VPS4B: variants seen among roughly 807,000 people sequenced by gnomAD.
VPS4B encodes the protein vacuolar protein sorting 4 homolog B.
VPS4B carries 23 observed loss-of-function variants against 56.1 expected under a neutral mutation model. The ratio of observed to expected loss-of-function variants is 0.41; its 90% CI spans 0.30 to 0.58. The LOEUF (loss-of-function observed/expected upper bound fraction) is 0.58. Among genes scored for constraint, VPS4B ranks in the 20% least tolerant of loss-of-function variants. VPS4B has a pLI of 0.29. For synonymous variants in VPS4B, 177 were observed against 186.0 expected, an observed-to-expected ratio of 0.95 and a Z score of 0.39; for missense variants, 372 against 531.9, an observed-to-expected ratio of 0.70 and a Z score of 2.96.
At chr18:63,398,778 T>C (rs946750231) in intron 8 of VPS4B, among the ~76,000 whole-genome samples, 2 of 148,966 alleles carry the variant, frequency 1.3e-5, no homozygotes, top group Admixed American at 1.4e-4. Flanking sequence ...GAGGATGCAG[T>C]GAGCCGAGAT....
At chr18:63,393,203 A>G (rs1915593936) in intron 10 of VPS4B, among the ~76,000 whole-genome samples, 1 of 152,190 alleles carries the variant, frequency 6.6e-6, no homozygotes, top group Non-Finnish European at 1.5e-5. Flanking sequence ...TTTCACTTAA[A>G]GGTTCCTCTA....
Position 63,410,440 on chromosome 18 carries a change from G to A in VPS4B, c.146C>T (p.Ala49Val), listed in dbSNP as rs1460310540. 6.2e-7 allele frequency: 1 copy of A among 1,612,308 alleles called. No homozygotes were observed. Residue 49 changes from alanine to valine, a missense_variant, in exon 3 of 11, where the codon GCA (alanine) becomes GTA (valine). Physicochemically the swap from Ala to Val is moderately conservative, Grantham distance 64. Transcript: ENST00000238497. ...ACTTTGCTTGGCTTTATCACCCTGT[G>A]CTTCATCTATTAAAGGGAAATGAGA... ...QYFLHVVKYE[A>V]QGDKAKQSIR...
intron 10 of VPS4B, among the ~76,000 whole-genome samples, 179 bp from the exon 11 acceptor site, chr18:63,391,255 TCTCA>T (rs1242754966): frequency 7.0e-6 from 1 of 142,350 alleles, no homozygotes; most frequent in Non-Finnish European, 1.5e-5. Flanking sequence ...TGAGTTGGAG[TCTCA>T]CTCTGTTGGC....
chr18:63,418,621 G>C (rs185379662), intron 1 of VPS4B, among the ~76,000 whole-genome samples: 3 of 152,078 alleles, frequency 2.0e-5, no homozygotes, highest in Non-Finnish European at 4.4e-5. Flanking sequence ...GACTGGTCTC[G>C]AAGTCCTAAG....
intron 4 of VPS4B, among the ~76,000 whole-genome samples, chr18:63,406,761 A>G (rs543717668): frequency 6.6e-6 from 1 of 152,312 alleles, no homozygotes; most frequent in East Asian, 1.9e-4. Flanking sequence ...GCTCATTTCT[A>G]TTTTAGAGAT....
chr18:63,389,262 C>T lies in VPS4B; in HGVS notation c.*1713G>A, dbSNP rs185878963. 1.3e-5 allele frequency: 2 copies of T among 152,178 alleles called. No individual in the cohort carries two copies. Among genetic ancestry groups the T allele is most frequent in the Admixed American group, 6.6e-5 (1 of 15,262 alleles). 9.4% of individuals were successfully genotyped at this position (152,178 alleles called of 1,614,324 possible). ...AATTTAGGTAATATTTTCTTTTACA[C>T]AGAAGGTCCCAAAATAAAGAATAAT... On this transcript the variant is annotated 3_prime_UTR_variant, in exon 11 of 11. Transcript: ENST00000238497.
At chr18:63,409,854 C>T (rs950691380) in intron 3 of VPS4B, among the ~76,000 whole-genome samples, 5 of 152,274 alleles carry the variant, frequency 3.3e-5, no homozygotes, top group Non-Finnish European at 7.4e-5. Context: ...TCTCTGGTCA[C>T]TCCTATAACC....
At chr18:63,402,808 G>A (rs182676017) in intron 5 of VPS4B, among the ~76,000 whole-genome samples, 3 of 152,236 alleles carry the variant, frequency 2.0e-5, no homozygotes, top group South Asian at 2.1e-4. Flanking sequence ...GAAGCTAGGC[G>A]GACAGTGCGT....
chr18:63,422,047 G>A (rs540420319), intron 1 of VPS4B, among the ~76,000 whole-genome samples, 186 bp downstream of exon 1: 6 of 152,276 alleles, frequency 3.9e-5, no homozygotes, highest in Non-Finnish European at 7.4e-5. Flanking sequence ...CCCCAAGAGC[G>A]GGCCAGAAAC....
chr18:63,403,947 A>C (rs548065772), intron 4 of VPS4B, 121 bp from the exon 5 acceptor site: 1 of 1,133,518 alleles, frequency 8.8e-7, no homozygotes, highest in East Asian at 2.7e-5. Flanking sequence ...ATGTACTAAC[A>C]ACCTTTTTGA....
intron 9 of VPS4B, 132 bp downstream of exon 9, chr18:63,396,902 A>C (rs1915681426): frequency 1.3e-6 from 1 of 779,862 alleles, no homozygotes; most frequent in Admixed American, 2.6e-5. Context: ...AGGCATGAGA[A>C]TTGCTTGAAC....
At chr18:63,401,799 T>G (rs1339395669) in intron 5 of VPS4B, among the ~76,000 whole-genome samples, 2 of 152,174 alleles carry the variant, frequency 1.3e-5, no homozygotes, top group East Asian at 3.9e-4. Flanking sequence ...TCGGGACAAC[T>G]GTGGCCAACA....
At chr18:63,417,424 C>T (rs1049462417) in intron 1 of VPS4B, among the ~76,000 whole-genome samples, 42 of 152,096 alleles carry the variant, frequency 2.8e-4, no homozygotes, top group African/African-American at 9.2e-4. Flanking sequence ...ATTATTTCCT[C>T]CTTCTTGGAC....
Position 63,389,463 on chromosome 18 carries a change from T to C in VPS4B, c.*1512A>G, listed in dbSNP as rs569810972. ...AAGTTATTCTATAGCATTTGCAAGA[T>C]AGAATTTCACTGTAATTAGGGAATC... On this transcript the variant is annotated 3_prime_UTR_variant, in exon 11 of 11. Coordinates refer to ENST00000238497, the MANE Select transcript of VPS4B (RefSeq NM_004869.4). The C allele has an allele frequency of 1.9e-4, 29 of 152,788 alleles. 1 individual carries two copies. Among genetic ancestry groups the C allele is most frequent in the South Asian group, 8.3e-4 (4 of 4,830 alleles). 9.5% of individuals were successfully genotyped at this position (152,788 alleles called of 1,614,324 possible).
chr18:63,411,261 T>A (rs1328345406), intron 2 of VPS4B, among the ~76,000 whole-genome samples: 1 of 152,208 alleles, frequency 6.6e-6, no homozygotes, highest in Non-Finnish European at 1.5e-5. Flanking sequence ...GATGTTTACA[T>A]ATACAAAGTA....
intron 9 of VPS4B, 162 bp from the exon 10 acceptor site, chr18:63,393,711 C>T: frequency 1.3e-6 from 1 of 774,846 alleles, no homozygotes; most frequent in South Asian, 3.9e-5. Flanking sequence ...AGTAGTTATC[C>T]CCTGGGTAAT....
chr18:63,393,695 A>G, intron 9 of VPS4B, 146 bp from the exon 10 acceptor site: 1 of 888,280 alleles, frequency 1.1e-6, no homozygotes. Context: ...AGAATATACA[A>G]CAAAAAGTAG....
At chr18:63,392,391 G>A (rs2144408653) in intron 10 of VPS4B, among the ~76,000 whole-genome samples, 1 of 152,294 alleles carries the variant, frequency 6.6e-6, no homozygotes, top group Non-Finnish European at 1.5e-5. Context: ...TTTGAGAAGT[G>A]AAATAGAAAA....
rs1915788075 is a variant in VPS4B, at chr18:63,400,610, T to C, written c.578A>G (p.Asn193Ser). Reference protein sequence around the residue: ...LAKAVATEANNSTFFSISSSD... With the variant: ...LAKAVATEANSSTFFSISSSD... ...GGAAGATATTGAAAAAAATGTTGAG[T>C]TGTTGGCTTCTGTTGCTACAGCTTT... Residue 193 changes from asparagine (N) to serine (S), a missense_variant, in exon 6 of 11, where the codon AAC becomes AGC. Physicochemically the swap from Asn to Ser is conservative, Grantham distance 46. This residue lies in a region of VPS4B where 66 missense variants were observed against 150.7 expected (regional missense o/e 0.44). Transcript: ENST00000238497. The C allele has an allele frequency of 1.2e-6, 2 of 1,610,520 alleles. No homozygotes were observed. Among genetic ancestry groups the C allele is most frequent in the South Asian group, 1.1e-5 (1 of 90,122 alleles).
Sources: allele counts gnomAD v4.1 joint callset (sites outside exome capture counted in the v4.1 genomes callset), GRCh38; gene constraint gnomAD v4.1.1; regional missense constraint gnomAD v4.1.1; transcripts MANE v1.5; gene names NCBI Gene and HGNC (gene_info 2026-07-23, HGNC 2026-07-21).